The following MBD6 variants were observed in gnomAD, a reference collection of about 807,000 sequenced individuals.
MBD6 encodes methyl-CpG binding domain protein 6, also known as methyl-CpG-binding domain protein 6.
MBD6 carries 22 observed loss-of-function variants against 66.8 expected under a neutral mutation model. The ratio of observed to expected loss-of-function variants is 0.33; its 90% CI spans 0.24 to 0.47. The LOEUF is 0.47. Among genes scored for constraint, MBD6 ranks in the 20% least tolerant of loss-of-function variants. The pLI, the probability that MBD6 is intolerant of heterozygous loss-of-function variation, is 1.00. For synonymous variants in MBD6, 540 were observed against 534.6 expected, an observed-to-expected ratio of 1.01 and a Z score of -0.14; for missense variants, 1,322 against 1,286.9, an observed-to-expected ratio of 1.03 and a Z score of -0.42.
At chr12:57,528,617 T>G in intron 10 of MBD6, 49 bp from the exon 11 acceptor site, 2 of 1,613,500 alleles carry the variant, frequency 1.2e-6, no homozygotes, top group Non-Finnish European at 1.7e-6. Flanking sequence ...GGTTGGGGCT[T>G]TGGAGCCTTT....
At position 57,525,748 on chromosome 12, in the gene MBD6, C is replaced by G; in HGVS notation, c.780C>G (p.Leu260=). ...ASSSPPSDPP[L]FHCSDALTPP... is the part of the protein sequence containing the mutation. ...CCTCACCACCTTCAGACCCTCCTCTCTTCCACTGTAGTGATGCCTTAACAC... is the reference window on the plus strand; with the variant it reads ...CCTCACCACCTTCAGACCCTCCTCTGTTCCACTGTAGTGATGCCTTAACAC... The change falls in exon 6 of 13, where the codon CTC becomes CTG. Residue 260 remains leucine (L), a synonymous_variant. Coordinates refer to ENST00000355673, the MANE Select transcript of MBD6 (RefSeq NM_052897.4). 1 of 1,613,984 alleles carries G rather than the reference C, an allele frequency of 6.2e-7. No homozygotes were observed. The highest frequency in any genetic ancestry group is 8.5e-7 in the Non-Finnish European group (1 of 1,179,952).
Position 57,529,169 on chromosome 12 carries a change from C to T in MBD6, c.2947C>T (p.Pro983Ser). ...EPSPTARAAV[P>S]LPPRARPGRP... ...TCCCCTCTGATATTAGGCAGCTGTC[C>T]CTCTGCCTCCCCGGGCCCGCCCTGG... is the stretch of plus-strand genomic sequence containing the variant. Residue 983 changes from proline (P) to serine (S), a missense_variant, in exon 13 of 13, where the codon CCT becomes TCT. Pro to Ser is a moderately conservative substitution (Grantham distance 74). Coordinates refer to ENST00000355673, the MANE Select transcript of MBD6 (RefSeq NM_052897.4). 1.2e-6 allele frequency: 2 copies of T among 1,614,068 alleles called. No homozygotes were observed. Among genetic ancestry groups the T allele is most frequent in the East Asian group, 2.2e-5 (1 of 44,880 alleles).
downstream of MBD6, chr12:57,530,695 T>C: frequency 6.2e-7 from 1 of 1,613,812 alleles, no homozygotes; most frequent in Non-Finnish European, 8.5e-7. Context: ...GTGCTCACTT[T>C]CCCAGCTTCT....
At chr12:57,527,775 A>G (rs949017457) in intron 8 of MBD6, 73 bp from the exon 9 acceptor site, 1 of 1,575,970 alleles carries the variant, frequency 6.3e-7, no homozygotes, top group Non-Finnish European at 8.6e-7. Flanking sequence ...GATAAAGCCT[A>G]AAGAGAATAG....
At position 57,530,051 on chromosome 12, in the gene MBD6, G is replaced by T. The variant is rs949771106; in HGVS notation, c.*817G>T. ...TCTTTTGTAAAGACAAGACCCTTGG[G>T]AGTTTTAATTCTGTTTTGTACTTGC... On this transcript the variant is annotated 3_prime_UTR_variant, in exon 13 of 13. Coordinates refer to ENST00000355673, the MANE Select transcript of MBD6 (RefSeq NM_052897.4). The T allele has an allele frequency of 1.3e-5, 2 of 152,616 alleles. No homozygotes were observed. The highest frequency in any genetic ancestry group is 2.4e-5 in the African/African-American group (1 of 41,456). The allele number at this position is 152,616 out of a possible 1,614,324, so 9.5% of individuals were successfully genotyped here.
At chr12:57,528,924 TC>T (rs1879305416) in intron 11 of MBD6, 21 bp from the exon 12 acceptor site, 12 of 1,614,162 alleles carry the variant, frequency 7.4e-6, no homozygotes, top group Non-Finnish European at 1.0e-5. Context: ...CTGTTCCTGA[TC>T]ATCTGTGCCC....
Position 57,525,493 on chromosome 12 carries a change from T to C in MBD6, c.525T>C (p.Phe175=), listed in dbSNP as rs778572979. ...AACCACCCTCAGTTTCCCAGGCCTT[T>C]CCCACTCTAGCAGGCCCTGGGGGGC... The part of the protein sequence containing the change: ...PPEPPSVSQA[F]PTLAGPGGLF... Residue 175 remains phenylalanine, a synonymous_variant, in exon 6 of 13, where the codon TTT becomes TTC. Coordinates refer to ENST00000355673, the MANE Select transcript of MBD6 (RefSeq NM_052897.4). 1 of 1,546,028 alleles carries C rather than the reference T, an allele frequency of 6.5e-7. No homozygotes were observed. The highest frequency in any genetic ancestry group is 1.3e-5 in the South Asian group (1 of 79,278).
intron 3 of MBD6, 104 bp from the exon 4 acceptor site, chr12:57,524,616 C>T (rs1565661921): frequency 8.5e-7 from 1 of 1,177,734 alleles, no homozygotes; most frequent in Non-Finnish European, 1.3e-6. Flanking sequence ...ATTCCTTATC[C>T]TCTGTTCTTC....
downstream of MBD6, chr12:57,530,610 AAAGGGGAAACCCTATGT>A (rs1441753436): frequency 1.6e-5 from 20 of 1,276,316 alleles, no homozygotes; most frequent in Non-Finnish European, 1.5e-5. Flanking sequence ...GAGTTATAGT[AAAGGGGAAACCCTATGT>A]AAGCTGTTAA....
intron 11 of MBD6, 94 bp downstream of exon 11, chr12:57,528,812 G>A (rs1879290247): frequency 1.3e-6 from 2 of 1,599,108 alleles, no homozygotes; most frequent in Non-Finnish European, 1.7e-6. Context: ...TTTTCAAAAG[G>A]GCAGATTCTT....
rs1470018586 is a variant in MBD6, at chr12:57,524,317, A to G, written c.14A>G (p.Asn5Ser). MNGG[N>S]ESSGADRAGG... Reference sequence around the variant, plus strand: ...TGATTACACACAATGAATGGGGGCAATGAGAGCAGTGGAGCAGACAGAGCT... The same window carrying G: ...TGATTACACACAATGAATGGGGGCAGTGAGAGCAGTGGAGCAGACAGAGCT... The change falls in exon 3 of 13, where the codon AAT becomes AGT. Residue 5 changes from asparagine to serine, a missense_variant. Physicochemically the swap from Asn to Ser is conservative, Grantham distance 46. Transcript: ENST00000355673. 4.5e-6 allele frequency: 7 copies of G among 1,565,532 alleles called. No homozygotes were observed. The highest frequency in any genetic ancestry group is 4.3e-6 in the Non-Finnish European group (5 of 1,159,222).
rs1879399700 is a variant in MBD6, at chr12:57,529,436, C to CCCA, written c.*204_*205insACC. The stretch of plus-strand genomic sequence containing the variant: ...GAAGTTCACCCCCCCCCACCACCCC[C>CCCA]CCGCCCCCCCGAAGCCATGTCACTG... On this transcript the variant is annotated 3_prime_UTR_variant, in exon 13 of 13. Coordinates refer to ENST00000355673, the MANE Select transcript of MBD6 (RefSeq NM_052897.4). The CCCA allele has an allele frequency of 1.8e-6, 1 of 550,924 alleles. No homozygotes were observed. The highest frequency in any genetic ancestry group is 3.0e-5 in the East Asian group (1 of 32,880). The allele number at this position is 550,924 out of a possible 1,614,324, so 34.1% of individuals were successfully genotyped here. A position where few individuals can be genotyped will look rare whatever the true frequency, so the allele number is the denominator to read the frequency against.
In MBD6 at chr12:57,528,363, G is replaced by A. The variant is rs754685089; in HGVS notation, c.2623G>A (p.Ala875Thr). ...LRGINGEARP[A>T]RGRKPGSRRE... ...GGGCATTAATGGTGAGGCCAGGCCA[G>A]CCCGGGGCCGAAAGCCTGGCAGCCG... The change falls in exon 10 of 13, where the codon GCC becomes ACC. Residue 875 changes from alanine (A) to threonine (T), a missense_variant. Physicochemically the swap from Ala to Thr is moderately conservative, Grantham distance 58. Transcript: ENST00000355673. The A allele has an allele frequency of 6.2e-7, 1 of 1,612,304 alleles. No individual in the cohort carries two copies. The highest frequency in any genetic ancestry group is 2.2e-5 in the East Asian group (1 of 44,890).
upstream of MBD6, chr12:57,521,200 C>G (rs1328843952): frequency 6.6e-6 from 1 of 152,358 alleles, no homozygotes; most frequent in African/African-American, 2.4e-5. Context: ...CAGTGGCTTA[C>G]GCCTGTAATC....
Position 57,529,258 on chromosome 12 carries a change from G to T in MBD6, c.*24G>T. 6.2e-7 allele frequency: 1 copy of T among 1,613,542 alleles called. No homozygotes were observed. Among genetic ancestry groups the T allele is most frequent in the South Asian group, 1.1e-5 (1 of 91,038 alleles). ...AGCAGCCATACCTGGAGCTGGATCT[G>T]ACCCTGATTGGGGAGAGCTGAGTGC... On this transcript the variant is annotated 3_prime_UTR_variant, in exon 13 of 13. Coordinates refer to ENST00000355673, the MANE Select transcript of MBD6 (RefSeq NM_052897.4).
At position 57,524,997 on chromosome 12, in the gene MBD6, T is replaced by A; in HGVS notation, c.261T>A (p.Ala87=). ...TGGCCCCGGTGACCCCGGGTGGGGC[T>A]GGGGTGGGGCCAGCATCAGAGGAGG... The part of the protein sequence containing the change: ...DPLAPVTPGG[A]GVGPASEEDM... Residue 87 remains alanine, a synonymous_variant, in exon 5 of 13, where the codon GCT becomes GCA. Coordinates refer to ENST00000355673, the MANE Select transcript of MBD6 (RefSeq NM_052897.4). 1.2e-6 allele frequency: 2 copies of A among 1,609,792 alleles called. No individual in the cohort carries two copies. The highest frequency in any genetic ancestry group is 1.7e-6 in the Non-Finnish European group (2 of 1,177,580).
Position 57,528,722 on chromosome 12 carries a change from A to AGT in MBD6, c.2873+7_2873+8dup. The AGT allele has an allele frequency of 6.2e-7, 1 of 1,613,922 alleles. No homozygotes were observed. On this transcript the variant is annotated splice_donor_region_variant and intron_variant, in intron 11 of 12. Coordinates refer to ENST00000355673, the MANE Select transcript of MBD6 (RefSeq NM_052897.4). ...GTGGCCGTAGGAGAAAATACAAGTG[A>AGT]GTGTTGGGCCTACTATAGTGCTGGC... is the stretch of plus-strand genomic sequence containing the variant.
At chr12:57,522,579 T>A (rs1265755180), upstream of MBD6, among the ~76,000 whole-genome samples, 1 of 130,246 alleles carries the variant, frequency 7.7e-6, no homozygotes, top group Non-Finnish European at 1.6e-5. Context: ...CCGCGTGGGG[T>A]GTTTGTTCTC....
rs1251841028 is a variant in MBD6 at position 57,529,269 on chromosome 12, G to C, written c.*35G>C. On this transcript the variant is annotated 3_prime_UTR_variant, in exon 13 of 13. Transcript: ENST00000355673. ...CTGGAGCTGGATCTGACCCTGATTG[G>C]GGAGAGCTGAGTGCTGAGCCTTGGG... is the stretch of plus-strand genomic sequence containing the variant. 6.2e-7 allele frequency: 1 copy of C among 1,612,312 alleles called. No individual in the cohort carries two copies. The highest frequency in any genetic ancestry group is 8.5e-7 in the Non-Finnish European group (1 of 1,178,776).
Sources: allele counts gnomAD v4.1 joint callset (sites outside exome capture counted in the v4.1 genomes callset), GRCh38; gene constraint gnomAD v4.1.1; transcripts MANE v1.5; gene names NCBI Gene and HGNC (gene_info 2026-07-23, HGNC 2026-07-21).